KIAA0586: variants seen among roughly 807,000 people sequenced by gnomAD.
KIAA0586 encodes KIAA0586.
KIAA0586 carries 144 observed loss-of-function variants against 169.8 expected under a neutral mutation model. That is an observed-to-expected ratio of 0.85 (90% confidence interval 0.74 to 0.97). The LOEUF is 0.97. Ranked by LOEUF, KIAA0586 falls within the 50% of genes least tolerant of loss-of-function variation. The probability of loss-of-function intolerance (pLI) is 0.00; values close to 1 mark genes in which losing one functional copy is unlikely to be tolerated. For synonymous variants in KIAA0586, 625 were observed against 612.4 expected (o/e 1.02, Z -0.30); for missense variants, 1,854 against 1,823.0 (o/e 1.02, Z -0.31).
Position 58,487,910 on chromosome 14 carries a change from C to T in KIAA0586, c.3328C>T (p.Leu1110Phe). Residue 1110 changes from leucine (L) to phenylalanine (F), a missense_variant, in exon 23 of 31, where the codon CTT (leucine) becomes TTT (phenylalanine). Leu to Phe is a conservative substitution (Grantham distance 22, BLOSUM62 0). Coordinates refer to ENST00000652326, the MANE Select transcript of KIAA0586 (RefSeq NM_001329943.3). ...EKGDDMPAIMLVNTPTVTPTT... is the reference protein window; with the variant it reads ...EKGDDMPAIMFVNTPTVTPTT... ...AGGAGATGATATGCCTGCCATCATG[C>T]TTGTTAATACTCCAACAGTTACCCC... is the stretch of plus-strand genomic sequence containing the variant. 3.1e-6 allele frequency: 5 copies of T among 1,613,250 alleles called. No homozygotes were observed. In the Middle Eastern group the frequency reaches 5.0e-4, roughly 160 times the overall value.
intron 29 of KIAA0586, among the ~76,000 whole-genome samples, chr14:58,513,413 C>T (rs889081941): frequency 6.6e-6 from 1 of 151,852 alleles, no homozygotes; most frequent in African/African-American, 2.4e-5. Flanking sequence ...TATTGAATGC[C>T]GGTATAATTG....
At position 58,444,246 on chromosome 14, in the gene KIAA0586, A is replaced by G. The variant is rs879311108; in HGVS notation, c.807+71A>G. On this transcript the variant is annotated intron_variant, in intron 6 of 30. Transcript: ENST00000652326. ...TGGATCTCTCAGCCAGTATTCATTGATAATTACAGTAGCTCATTAGATTGT... is the reference window on the plus strand; with the variant it reads ...TGGATCTCTCAGCCAGTATTCATTGGTAATTACAGTAGCTCATTAGATTGT... 1.3e-4 allele frequency: 118 copies of G among 937,864 alleles called. No individual in the cohort carries two copies. In the Admixed American group the frequency reaches 2.6e-3, roughly 21 times the overall value. The allele number at this position is 937,864 out of a possible 1,614,324, so 58.1% of individuals were successfully genotyped here. A position where few individuals can be genotyped will look rare whatever the true frequency, so the allele number is the denominator to read the frequency against.
chr14:58,518,161 TTTC>T (rs1204738161), intron 29 of KIAA0586, among the ~76,000 whole-genome samples: 1 of 152,200 alleles, frequency 6.6e-6, no homozygotes, highest in Non-Finnish European at 1.5e-5. Context: ...TATTATGAAT[TTTC>T]TTAATTAGCT....
intron 27 of KIAA0586, 29 bp downstream of exon 27, chr14:58,498,989 T>G (rs1324571695): frequency 6.4e-7 from 1 of 1,553,042 alleles, no homozygotes; most frequent in East Asian, 2.3e-5. Context: ...TTTCTTGATG[T>G]GTCATAGTAG....
At chr14:58,444,917 A>AGGG (rs1566796371) in intron 6 of KIAA0586, among the ~76,000 whole-genome samples, 1 of 134,312 alleles carries the variant, frequency 7.4e-6, no homozygotes, top group East Asian at 2.1e-4. Context: ...TCTCTTAGGA[A>AGGG]AAAAAAAAAA....
At chr14:58,484,911 TATATATATA>T in intron 21 of KIAA0586, among the ~76,000 whole-genome samples, 1 of 28,606 alleles carries the variant, frequency 3.5e-5, no homozygotes, top group African/African-American at 1.2e-4. Context: ...TATATATATA[TATATATATA>T]TATATTTTTT....
downstream of KIAA0586, among the ~76,000 whole-genome samples, chr14:58,552,717 G>A (rs2047222077): frequency 6.6e-6 from 1 of 152,140 alleles, no homozygotes; most frequent in Non-Finnish European, 1.5e-5. Context: ...CTTCAAAGGA[G>A]CTGGTAAGGA....
rs1488671670 is a variant in KIAA0586 at position 58,478,120 on chromosome 14, A to G, written c.2944+879A>G. Among the ~76,000 whole-genome samples, 4 of 152,278 alleles carry G rather than the reference A, an allele frequency of 2.6e-5. No individual in the cohort carries two copies. The East Asian group carries it at 7.7e-4, about 29-fold the overall frequency. On this transcript the variant is annotated intron_variant, in intron 20 of 30. Coordinates refer to ENST00000652326, the MANE Select transcript of KIAA0586 (RefSeq NM_001329943.3). The stretch of plus-strand genomic sequence containing the variant: ...CTGTAACCTCTAACTCCCGGGCTCA[A>G]GCAACTCTCCTGCCTTAGCCTCCCA...
chr14:58,521,486 G>A (rs1213868970), intron 29 of KIAA0586: 19 of 758,738 alleles, frequency 2.5e-5, no homozygotes, highest in Non-Finnish European at 4.1e-5. Flanking sequence ...TATTATGATA[G>A]GATGTACAGT....
chr14:58,442,291 G>T (rs2038460252), intron 4 of KIAA0586, among the ~76,000 whole-genome samples: 2 of 151,958 alleles, frequency 1.3e-5, no homozygotes, highest in African/African-American at 2.4e-5. Context: ...TGTATTTTTA[G>T]TAGAGACGGG....
chr14:58,522,462 C>T (rs1390718504), intron 29 of KIAA0586, among the ~76,000 whole-genome samples: 3 of 152,168 alleles, frequency 2.0e-5, no homozygotes, highest in Non-Finnish European at 4.4e-5. Context: ...GGCAGTTCAA[C>T]ACAAATGCAA....
At chr14:58,512,004 T>C (rs1290768545) in intron 28 of KIAA0586, among the ~76,000 whole-genome samples, 3 of 152,312 alleles carry the variant, frequency 2.0e-5, no homozygotes, top group Non-Finnish European at 2.9e-5. Context: ...ATGATAGTGC[T>C]TATGGTGGAG....
At chr14:58,459,731 A>G (rs1054410707) in intron 12 of KIAA0586, 112 bp from the exon 13 acceptor site, 4 of 557,374 alleles carry the variant, frequency 7.2e-6, no homozygotes, top group Non-Finnish European at 1.2e-5. Flanking sequence ...ATGCATTTAA[A>G]ACTGCTAAAC....
At chr14:58,492,437 C>T (rs189185595) in intron 26 of KIAA0586, among the ~76,000 whole-genome samples, 162 bp downstream of exon 26, 182 of 152,250 alleles carry the variant, frequency 1.2e-3, no homozygotes, top group African/African-American at 4.3e-3. Flanking sequence ...AGTTTTATAA[C>T]AGAAAGGAAT....
At position 58,481,840 on chromosome 14, in the gene KIAA0586, G is replaced by T. The variant is rs374144062; in HGVS notation, c.2945-673G>T. Reference sequence around the variant, plus strand: ...TTTGTTTTGTTTTGTTTTTGACAGAGTCTCACTCTGTTGCCCAGGCTGGAG... The same window carrying T: ...TTTGTTTTGTTTTGTTTTTGACAGATTCTCACTCTGTTGCCCAGGCTGGAG... On this transcript the variant is annotated intron_variant, in intron 20 of 30. Coordinates refer to ENST00000652326, the MANE Select transcript of KIAA0586 (RefSeq NM_001329943.3). Among the ~76,000 whole-genome samples, 4 of 143,390 alleles carry T rather than the reference G, an allele frequency of 2.8e-5. 1 individual carries two copies. 94.1% of individuals were successfully genotyped at this position (143,390 alleles called of 152,430 possible). A position where few individuals can be genotyped will look rare whatever the true frequency, so the allele number is the denominator to read the frequency against.
At chr14:58,496,975 A>ATT (rs11289825) in intron 26 of KIAA0586, among the ~76,000 whole-genome samples, 3 of 122,612 alleles carry the variant, frequency 2.4e-5, no homozygotes, top group African/African-American at 3.0e-5. Context: ...ATTTAAAACA[A>ATT]TTTTTTTTTT....
intron 29 of KIAA0586, among the ~76,000 whole-genome samples, chr14:58,538,017 A>G (rs545708579): frequency 3.3e-4 from 50 of 152,276 alleles, no homozygotes; most frequent in Non-Finnish European, 6.5e-4. Flanking sequence ...GCATGGTGAC[A>G]GACACCTGTA....
chr14:58,535,046 C>T (rs74056192), intron 29 of KIAA0586, among the ~76,000 whole-genome samples: 1,975 of 152,288 alleles, frequency 0.013, 47 homozygotes, highest in African/African-American at 0.044. Context: ...AGCATAAAGC[C>T]ACTACTCTGA....
intron 15 of KIAA0586, among the ~76,000 whole-genome samples, chr14:58,466,477 T>C (rs1192212921): frequency 6.6e-6 from 1 of 152,168 alleles, no homozygotes; most frequent in African/African-American, 2.4e-5. Flanking sequence ...GGCTCATGCC[T>C]TTAATCACAG....
Sources: gnomAD v4.1 joint callset for allele counts (sites outside exome capture counted in the v4.1 genomes callset) on GRCh38, gnomAD v4.1.1 for gene constraint, MANE v1.5 for transcripts, NCBI Gene and HGNC (gene_info 2026-07-23, HGNC 2026-07-21) for gene names.